The following TTN variants were observed in gnomAD, a reference collection of about 807,000 sequenced individuals.
TTN encodes titin.
In TTN, 1,525 loss-of-function variants were observed where a neutral mutation model predicts 3,223.0. The ratio of observed to expected loss-of-function variants is 0.47; its 90% CI spans 0.45 to 0.49. The LOEUF is 0.49. TTN is among the 20% of genes least tolerant of loss of function. TTN has a pLI of 0.00. For missense variants in TTN, 40,786 were observed against 43,424.0 expected (o/e 0.94, Z 5.40); for synonymous variants, 14,094 against 15,161.0 (o/e 0.93, Z 5.17).
intron 42 of TTN, 105 bp downstream of exon 42, chr2:178,764,422 A>C: frequency 6.2e-7 from 1 of 1,609,640 alleles, no homozygotes; most frequent in Non-Finnish European, 8.5e-7. Flanking sequence ...TTGGGTAGCA[A>C]TCTACTTTTA....
At position 178,664,040 on chromosome 2, in the gene TTN, T is replaced by G. The variant is rs2065351307; in HGVS notation, c.36339A>C (p.Lys12113Asn). 1 of 1,613,388 alleles carries G rather than the reference T, an allele frequency of 6.2e-7. No individual in the cohort carries two copies. The highest frequency in any genetic ancestry group is 1.3e-5 in the African/African-American group (1 of 75,040). The change falls in exon 169 of 363, where the codon AAA (lysine) becomes AAC (asparagine). Residue 12113 changes from lysine (K) to asparagine (N), a missense_variant. Lys to Asn is a moderately conservative substitution (Grantham distance 94). Transcript: ENST00000589042. Reference protein sequence around the residue: ...PEKKVSVVPPKKPEVPPVKVP... With the variant: ...PEKKVSVVPPNKPEVPPVKVP... Reference sequence around the variant, plus strand: ...CTTTAACAGGTGGGACTTCAGGCTTTTTAGGAGGCACCACCGACACTTTCT... The same window carrying G: ...CTTTAACAGGTGGGACTTCAGGCTTGTTAGGAGGCACCACCGACACTTTCT...
In TTN at chr2:178,677,245, G is replaced by C. The variant is rs1037348140; in HGVS notation, c.34334C>G (p.Pro11445Arg). Residue 11445 changes from proline (P) to arginine (R), a missense_variant, in exon 147 of 363, where the codon CCT (proline) becomes CGT (arginine). Pro to Arg is a moderately radical substitution (Grantham distance 103). Transcript: ENST00000589042. ...TTCCACTTTTTTAGGGGCGGGAACA[G>C]GGACTTTCTTCTCTGGTACAGGTTT... ...PKKPVPEKKVPVPAPKKVEPP... is the reference protein window; with the variant it reads ...PKKPVPEKKVRVPAPKKVEPP... The C allele has an allele frequency of 4.3e-5, 52 of 1,221,312 alleles. No homozygotes were observed. Among genetic ancestry groups the C allele is most frequent in the Non-Finnish European group, 4.8e-5 (47 of 982,358 alleles). 75.7% of individuals were successfully genotyped at this position (1,221,312 alleles called of 1,614,324 possible).
intron 292 of TTN, 139 bp downstream of exon 292, chr2:178,598,367 T>G: frequency 9.3e-7 from 1 of 1,080,480 alleles, no homozygotes; most frequent in East Asian, 2.6e-5. Flanking sequence ...TAACAGATGT[T>G]TGGAATGTGA....
rs375790254 is a variant in TTN at position 178,712,005 on chromosome 2, A to G, written c.27825T>C (p.Tyr9275=). The G allele has an allele frequency of 3.3e-5, 53 of 1,613,492 alleles. No homozygotes were observed. Among genetic ancestry groups the G allele is most frequent in the Non-Finnish European group, 4.3e-5 (51 of 1,179,654 alleles). ...CCACGCTGTTTTCAGCTTTGCAGAT[A>G]TATTCTCCACTATCATTAATATCAA... ...NQVDINDSGE[Y]ICKAENSVGE... is the part of the protein sequence containing the mutation. Residue 9275 remains tyrosine (Y), a synonymous_variant, in exon 96 of 363, where the codon TAT becomes TAC. Coordinates refer to ENST00000589042, the MANE Select transcript of TTN (RefSeq NM_001267550.2).
At position 178,586,864 on chromosome 2, in the gene TTN, G is replaced by A; in HGVS notation, c.64094-57C>T. 3.2e-6 allele frequency: 5 copies of A among 1,579,184 alleles called. No individual in the cohort carries two copies. The South Asian group carries it at 5.8e-5, about 18-fold the overall frequency. On this transcript the variant is annotated intron_variant, in intron 307 of 362. Transcript: ENST00000589042. ...TAGGTAACCTAATCAAATCCCCTTT[G>A]TTAATGTACATAAGAGTTTTAGTAT...
chr2:178,732,597 T>G lies in TTN; in HGVS notation c.16464A>C (p.Lys5488Asn), dbSNP rs760521859. Residue 5488 changes from lysine (K) to asparagine (N), a missense_variant, in exon 56 of 363, where the codon AAA (lysine) becomes AAC (asparagine). Transcript: ENST00000589042. ...AGCAGCTTCCACCAGAAACCAGCTC[T>G]TTGTTGCCCTTAAACCATCTGATTG... is the stretch of plus-strand genomic sequence containing the variant. Reference protein sequence around the residue: ...PLTIRWFKGNKELVSGGSCYI... With the variant: ...PLTIRWFKGNNELVSGGSCYI... 1.2e-5 allele frequency: 19 copies of G among 1,613,572 alleles called. No homozygotes were observed. In the Admixed American group the frequency reaches 3.0e-4, roughly 25 times the overall value.
Position 178,738,230 on chromosome 2 carries a change from A to G in TTN, c.14223T>C (p.Tyr4741=), listed in dbSNP as rs368835028. Residue 4741 remains tyrosine (Y), a synonymous_variant, in exon 49 of 363, where the codon TAT becomes TAC. Transcript: ENST00000589042. The part of the protein sequence containing the change: ...FQWFKAGREI[Y]ESDKCSIRSS... ...ATCGAATAGAACACTTGTCACTCTC[A>G]TAAATTTCTCGGCCAGCTTTAAACC... 55 of 1,613,530 alleles carry G rather than the reference A, an allele frequency of 3.4e-5. No individual in the cohort carries two copies. The highest frequency in any genetic ancestry group is 4.3e-5 in the Non-Finnish European group (51 of 1,179,746).
chr2:178,639,638 G>A (rs1423885822), intron 223 of TTN, 61 bp downstream of exon 223: 1 of 1,515,924 alleles, frequency 6.6e-7, no homozygotes, highest in Non-Finnish European at 9.1e-7. Context: ...TTAATCAAGT[G>A]TGAATACTTT....
In TTN at chr2:178,569,707, A is replaced by C; in HGVS notation, c.76425T>G (p.His25475Gln). ...TAGCACAGATACGGAAGTTGTATTC[A>C]TGCTTTTCCAACAGCTTCTCTACTT... ...NIEVEKLLEK[H>Q]EYNFRICAIN... Residue 25475 changes from histidine to glutamine, a missense_variant, in exon 326 of 363, where the codon CAT (histidine) becomes CAG (glutamine). Physicochemically the swap from His to Gln is conservative, Grantham distance 24 (BLOSUM62 0). Coordinates refer to ENST00000589042, the MANE Select transcript of TTN (RefSeq NM_001267550.2). 1 of 1,613,098 alleles carries C rather than the reference A, an allele frequency of 6.2e-7. No individual in the cohort carries two copies. The highest frequency in any genetic ancestry group is 8.5e-7 in the Non-Finnish European group (1 of 1,179,544).
Position 178,705,228 on chromosome 2 carries a change from A to G in TTN, c.29550T>C (p.Leu9850=). 1 of 1,613,790 alleles carries G rather than the reference A, an allele frequency of 6.2e-7. No homozygotes were observed. Among genetic ancestry groups the G allele is most frequent in the South Asian group, 1.1e-5 (1 of 91,048 alleles). ...RMYGITDFRG[L]LQAFELLKQS... ...GCTTGAGCAGTTCAAATGCTTGAAG[A>G]AGACCTCGGAAGTCAGTGATTCCAT... is the stretch of plus-strand genomic sequence containing the variant. Residue 9850 remains leucine, a synonymous_variant, in exon 103 of 363, where the codon CTT becomes CTC. Transcript: ENST00000589042.
Position 178,547,162 on chromosome 2 carries a change from A to T in TTN, c.94363T>A (p.Trp31455Arg), listed in dbSNP as rs1697563457. The T allele has an allele frequency of 6.2e-7, 1 of 1,613,824 alleles. No homozygotes were observed. The highest frequency in any genetic ancestry group is 8.5e-7 in the Non-Finnish European group (1 of 1,179,796). ...VEKKERNTIL[W>R]VKENKVPCLE... The stretch of plus-strand genomic sequence containing the variant: ...CATGGCACTTTGTTTTCTTTCACCC[A>T]AAGAATTGTATTACGTTCTTTCTTC... The change falls in exon 340 of 363, where the codon TGG becomes AGG. Residue 31455 changes from tryptophan to arginine, a missense_variant. Physicochemically the swap from Trp to Arg is moderately radical, Grantham distance 101. Transcript: ENST00000589042.
intron 305 of TTN, 22 bp from the exon 306 acceptor site, chr2:178,587,822 T>C (rs369251413): frequency 6.4e-7 from 1 of 1,570,922 alleles, no homozygotes; most frequent in Non-Finnish European, 8.6e-7. Context: ...ATTAAGGTCA[T>C]TAATTGATTT....
chr2:178,747,883 T>C, intron 47 of TTN: 6 of 1,613,156 alleles, frequency 3.7e-6, no homozygotes, highest in Non-Finnish European at 5.1e-6. Flanking sequence ...GATTCTGTTG[T>C]TCTTCAGTCA....
At chr2:178,542,124 G>A (rs1233086974) in intron 349 of TTN, 140 bp downstream of exon 349, 1 of 876,832 alleles carries the variant, frequency 1.1e-6, no homozygotes, top group Non-Finnish European at 1.6e-6. Flanking sequence ...AGAAAAGGAG[G>A]TTTAGAAACC....
chr2:178,634,898 TAGG>T lies in TTN; in HGVS notation c.42025-52_42025-50del, dbSNP rs760881380. The T allele has an allele frequency of 4.6e-5, 72 of 1,567,914 alleles. No individual in the cohort carries two copies. In the East Asian group the frequency reaches 1.5e-3, roughly 33 times the overall value. ...CCATTTGAAAGAGATAAATTCCCTA[TAGG>T]AGAAGTGTTTCAGATACAAATTTCT... is the stretch of plus-strand genomic sequence containing the variant. On this transcript the variant is annotated intron_variant, in intron 228 of 362. Transcript: ENST00000589042. This position sits in a 1 kb window ranked among gnomAD's most constrained non-coding sequence, Gnocchi z 4.6.
intron 47 of TTN, chr2:178,745,118 T>G: frequency 1.0e-6 from 1 of 989,946 alleles, no homozygotes; most frequent in Non-Finnish European, 1.2e-6. Context: ...TGAGTTTGGA[T>G]GCAAAGGGGT....
At position 178,552,023 on chromosome 2, in the gene TTN, C is replaced by A. The variant is rs1299709858; in HGVS notation, c.90877G>T (p.Ala30293Ser). 6.2e-7 allele frequency: 1 copy of A among 1,613,240 alleles called. No individual in the cohort carries two copies. The highest frequency in any genetic ancestry group is 2.2e-5 in the East Asian group (1 of 44,842). Residue 30293 changes from alanine (A) to serine (S), a missense_variant, in exon 335 of 363, where the codon GCT becomes TCT. Ala to Ser is a moderately conservative substitution (Grantham distance 99, BLOSUM62 1). Transcript: ENST00000589042. ...GCTCTCACTCTAAACTGGTACTCAG[C>A]ATCTTTGACTAGATTAGGAACTTTG... is the stretch of plus-strand genomic sequence containing the variant. ...TFKVPNLVKD[A>S]EYQFRVRAEN... is the part of the protein sequence containing the mutation.
At position 178,573,183 on chromosome 2, in the gene TTN, C is replaced by T. The variant is rs770455724; in HGVS notation, c.72949G>A (p.Ala24317Thr). ...CCAGGTTTAAACACAGTGTCACAAG[C>T]CTTGTAAAATGGACTGGTAGGACTT... ...APSPTSPFYK[A>T]CDTVFKPGPP... Residue 24317 changes from alanine to threonine, a missense_variant, in exon 326 of 363, where the codon GCT becomes ACT. Physicochemically the swap from Ala to Thr is moderately conservative, Grantham distance 58 (BLOSUM62 0). Transcript: ENST00000589042. 7.5e-6 allele frequency: 12 copies of T among 1,610,660 alleles called. No homozygotes were observed. The Admixed American group carries it at 1.2e-4, about 16-fold the overall frequency.
At position 178,581,528 on chromosome 2, in the gene TTN, G is replaced by A. The variant is rs749070757; in HGVS notation, c.66740C>T (p.Pro22247Leu). 5 of 1,605,886 alleles carry A rather than the reference G, an allele frequency of 3.1e-6. No homozygotes were observed. Among genetic ancestry groups the A allele is most frequent in the African/African-American group, 1.3e-5 (1 of 74,854 alleles). Residue 22247 changes from proline (P) to leucine (L), a missense_variant, in exon 316 of 363, where the codon CCA (proline) becomes CTA (leucine). Transcript: ENST00000589042. The part of the protein sequence containing the change: ...KIGYSDPSDV[P>L]DKHYPKDILI... Reference sequence around the variant, plus strand: ...GATGTCCTTGGGATAGTGTTTATCTGGCACATCACTGGGGTCACTGTATCC... The same window carrying A: ...GATGTCCTTGGGATAGTGTTTATCTAGCACATCACTGGGGTCACTGTATCC...
Sources: allele counts gnomAD v4.1 joint callset, GRCh38; gene constraint gnomAD v4.1.1; non-coding constraint Gnocchi (gnomAD v3.1); transcripts MANE v1.5; gene names NCBI Gene and HGNC (gene_info 2026-07-23, HGNC 2026-07-21).